NAA38: variants seen among roughly 807,000 people sequenced by gnomAD.
The protein encoded by NAA38 is N-alpha-acetyltransferase 38, NatC auxiliary subunit.
Under a neutral mutation model 12.6 loss-of-function variants are expected in NAA38, and 15 were observed. That is an observed-to-expected ratio of 1.19 (90% confidence interval 0.79 to 1.83). The LOEUF (loss-of-function observed/expected upper bound fraction) is 1.83. Among genes scored for constraint, NAA38 ranks in the 40% most tolerant of loss-of-function variants. The pLI is 0.00. For missense variants in NAA38, 183 were observed against 171.7 expected, an observed-to-expected ratio of 1.07 and a Z score of -0.37; for synonymous variants, 88 against 69.9, an observed-to-expected ratio of 1.26 and a Z score of -1.29.
At chr17:7,875,653 A>G (rs1176993000) in intron 2 of NAA38, among the ~76,000 whole-genome samples, 1 of 152,194 alleles carries the variant, frequency 6.6e-6, no homozygotes, top group African/African-American at 2.4e-5. Context: ...ATTAAAAAGA[A>G]ATTCAGATAG....
At chr17:7,878,519 C>T (rs60712401) in intron 2 of NAA38, among the ~76,000 whole-genome samples, 15,003 of 151,950 alleles carry the variant, frequency 0.099, 1,746 homozygotes, top group African/African-American at 0.28. Context: ...GTCAGGAGCT[C>T]GAGACCAGCC....
Position 7,856,862 on chromosome 17 carries a change from GCAT to G in NAA38, c.266-22_266-20del. 6.2e-7 allele frequency: 1 copy of G among 1,612,176 alleles called. No individual in the cohort carries two copies. The highest frequency in any genetic ancestry group is 1.1e-5 in the South Asian group (1 of 90,952). On this transcript the variant is annotated intron_variant, in intron 2 of 2. Coordinates refer to ENST00000575771, the MANE Select transcript of NAA38 (RefSeq NM_001320925.4). ...AAGGAATCTGGAAAGAAGGATCAGA[GCAT>G]CAGGAAAGTAGGCCAGAATCAGTCC...
At chr17:7,884,390 A>G (rs943900268) in intron 1 of NAA38, among the ~76,000 whole-genome samples, 4 of 149,550 alleles carry the variant, frequency 2.7e-5, no homozygotes, top group African/African-American at 7.4e-5. Flanking sequence ...CGCCCCCCTC[A>G]GAATTTAAAT....
chr17:7,877,987 T>C (rs1035626646), intron 2 of NAA38, among the ~76,000 whole-genome samples: 8 of 152,182 alleles, frequency 5.3e-5, no homozygotes, highest in African/African-American at 1.9e-4. Flanking sequence ...CCAGTTTCTA[T>C]ACCTATAAAA....
At chr17:7,872,518 A>G (rs1009350347) in intron 2 of NAA38, among the ~76,000 whole-genome samples, 1 of 152,174 alleles carries the variant, frequency 6.6e-6, no homozygotes, top group African/African-American at 2.4e-5. Flanking sequence ...ATGCGCCACC[A>G]CGCCCGGCTA....
At chr17:7,858,130 G>A, upstream of NAA38, 1 of 1,613,300 alleles carries the variant, frequency 6.2e-7, no homozygotes, top group Non-Finnish European at 8.5e-7. Context: ...GACAGAGCAA[G>A]AGCCATGCCG....
upstream of NAA38, chr17:7,885,313 G>GCCGCCGCCC (rs1967688509): frequency 8.4e-6 from 1 of 119,536 alleles, no homozygotes; most frequent in African/African-American, 3.4e-5. Context: ...CTCCCCCGCC[G>GCCGCCGCCC]CCGCCGCCGC....
At chr17:7,858,758 G>A, upstream of NAA38, 2 of 1,597,098 alleles carry the variant, frequency 1.3e-6, no homozygotes, top group Non-Finnish European at 8.5e-7. Context: ...AGGTGGGGCG[G>A]CTGTCTGCCA....
At chr17:7,874,885 CAAAAAAAAAAAA>C (rs35962141) in intron 2 of NAA38, among the ~76,000 whole-genome samples, 2 of 45,494 alleles carry the variant, frequency 4.4e-5, no homozygotes, top group Non-Finnish European at 8.8e-5. Context: ...AACTCCATCT[CAAAAAAAAAAAA>C]AAAAAAAAAA....
At chr17:7,878,598 C>T (rs1021616876) in intron 2 of NAA38, among the ~76,000 whole-genome samples, 19 of 152,008 alleles carry the variant, frequency 1.2e-4, no homozygotes, top group African/African-American at 3.6e-4. Context: ...TGGTGGCACG[C>T]GCCTGTAATC....
chr17:7,872,144 T>G (rs1251573951), intron 2 of NAA38, among the ~76,000 whole-genome samples: 1 of 152,228 alleles, frequency 6.6e-6, no homozygotes, highest in Non-Finnish European at 1.5e-5. Context: ...CACAAATATT[T>G]TCCTAGCTAG....
chr17:7,857,559 C>G lies in NAA38; in HGVS notation c.-96G>C, dbSNP rs1056098226. 7.4e-5 allele frequency: 105 copies of G among 1,418,102 alleles called. 2 individuals carry two copies. In the Admixed American group the frequency reaches 3.2e-3, roughly 43 times the overall value. The allele number at this position is 1,418,102 out of a possible 1,614,324, so 87.8% of individuals were successfully genotyped here. A position where few individuals can be genotyped will look rare whatever the true frequency, so the allele number is the denominator to read the frequency against. The stretch of plus-strand genomic sequence containing the variant: ...CGAGCGCTCCCGACCTCTTTCCTTT[C>G]GCGAGATCCCCTCTCCTCCCCCTCC... On this transcript the variant is annotated 5_prime_UTR_variant, in exon 1 of 3. Coordinates refer to ENST00000575771, the MANE Select transcript of NAA38 (RefSeq NM_001320925.4).
Position 7,856,692 on chromosome 17 carries a change from A to C in NAA38, c.*39T>G. On this transcript the variant is annotated 3_prime_UTR_variant, in exon 3 of 3. Transcript: ENST00000575771. ...CACACAGACACAGGCCCATTCGGTC[A>C]TAAGTTTAATGAAGTCTGAAAGGTA... The C allele has an allele frequency of 6.5e-7, 1 of 1,541,640 alleles. No individual in the cohort carries two copies. Among genetic ancestry groups the C allele is most frequent in the Non-Finnish European group, 9.0e-7 (1 of 1,114,940 alleles).
chr17:7,866,477 T>C (rs1966985452), intron 3 of NAA38: 1 of 1,231,394 alleles, frequency 8.1e-7, no homozygotes, highest in Non-Finnish European at 1.0e-6. Context: ...TAAGATGAAC[T>C]TAGAAACCCT....
chr17:7,870,353 A>G (rs985721729), intron 2 of NAA38, among the ~76,000 whole-genome samples: 4 of 152,228 alleles, frequency 2.6e-5, no homozygotes, highest in Non-Finnish European at 4.4e-5. Flanking sequence ...TTAGGCTTAC[A>G]TCTTCCTCCT....
upstream of NAA38, chr17:7,857,851 C>G (rs765061547): frequency 1.2e-4 from 161 of 1,373,178 alleles, no homozygotes; most frequent in Non-Finnish European, 1.5e-4. Context: ...TATTCGTTCT[C>G]TGCCCCACCC....
chr17:7,880,099 C>T (rs1967245307), intron 2 of NAA38, among the ~76,000 whole-genome samples: 1 of 152,072 alleles, frequency 6.6e-6, no homozygotes, highest in South Asian at 2.1e-4. Context: ...TTTTATACAA[C>T]ATAGTGCTTT....
intron 2 of NAA38, among the ~76,000 whole-genome samples, chr17:7,881,354 G>C (rs1967269146): frequency 6.6e-6 from 1 of 152,084 alleles, no homozygotes; most frequent in Non-Finnish European, 1.5e-5. Flanking sequence ...AAAAAGGCAG[G>C]AAGGCAGCGA....
At chr17:7,858,876 A>C (rs2078859219), upstream of NAA38, 1 of 1,456,862 alleles carries the variant, frequency 6.9e-7, no homozygotes. Flanking sequence ...ATCCCAGCAA[A>C]TCTCCAGGCC....
Sources: gnomAD v4.1 joint callset for allele counts (sites outside exome capture counted in the v4.1 genomes callset) on GRCh38, gnomAD v4.1.1 for gene constraint, MANE v1.5 for transcripts, NCBI Gene and HGNC (gene_info 2026-07-23, HGNC 2026-07-21) for gene names.